PDK1: variants seen among roughly 807,000 people sequenced by gnomAD.
The protein encoded by PDK1 is [Pyruvate dehydrogenase (acetyl-transferring)] kinase isozyme 1, mitochondrial.
Under a neutral mutation model 54.2 loss-of-function variants are expected in PDK1, and 39 were observed. The ratio of observed to expected loss-of-function variants is 0.72; its 90% CI spans 0.56 to 0.94. The LOEUF (loss-of-function observed/expected upper bound fraction) is 0.94, where lower values mean the gene tolerates loss of function less well. PDK1 is among the 40% of genes least tolerant of loss of function. The pLI, the probability that PDK1 is intolerant of heterozygous loss-of-function variation, is 0.00. For missense variants in PDK1, 552 were observed against 566.0 expected (o/e 0.98, Z 0.25); for synonymous variants, 221 against 207.1 (o/e 1.07, Z -0.58).
At chr2:172,613,612 C>T (rs1029028416), downstream of PDK1, among the ~76,000 whole-genome samples, 2 of 152,092 alleles carry the variant, frequency 1.3e-5, no homozygotes, top group South Asian at 4.1e-4. Context: ...ACCACCATGC[C>T]CACCTTTGAC....
chr2:172,586,422 G>A (rs1442989579), intron 9 of PDK1, 34 bp downstream of exon 9: 4 of 1,310,628 alleles, frequency 3.1e-6, no homozygotes, highest in Non-Finnish European at 4.4e-6. Flanking sequence ...GTGTGTTTCT[G>A]TGAATTGCCT....
rs543696601 is a variant in PDK1, at chr2:172,560,399, C to T, written c.338+1550C>T. Among the ~76,000 whole-genome samples, 5 of 152,302 alleles carry T rather than the reference C, an allele frequency of 3.3e-5. No individual in the cohort carries two copies. The South Asian group carries it at 1.0e-3, about 32-fold the overall frequency. ...CCCAGGCAGGTTGTGAACTCCTGGGCTCAAGCAGTCCTCTCACCTTGGCTT... is the reference window on the plus strand; with the variant it reads ...CCCAGGCAGGTTGTGAACTCCTGGGTTCAAGCAGTCCTCTCACCTTGGCTT... On this transcript the variant is annotated intron_variant, in intron 2 of 10. Coordinates refer to ENST00000282077, the MANE Select transcript of PDK1 (RefSeq NM_002610.5).
At chr2:172,685,019 A>C in the PDK1 span, among the ~76,000 whole-genome samples, 2 of 152,120 alleles carry the variant, frequency 1.3e-5, no homozygotes, top group Non-Finnish European at 2.9e-5. Flanking sequence ...AGTGTTTGGA[A>C]GTTCCTCCCT....
At chr2:172,612,671 GTGT>G (rs1276039483), downstream of PDK1, among the ~76,000 whole-genome samples, 1 of 151,962 alleles carries the variant, frequency 6.6e-6, no homozygotes, top group Non-Finnish European at 1.5e-5. Context: ...GCTACCAGTA[GTGT>G]TTTTTTTTTG....
At chr2:172,702,521 T>C in the PDK1 span, among the ~76,000 whole-genome samples, 4 of 151,432 alleles carry the variant, frequency 2.6e-5, no homozygotes, top group East Asian at 3.9e-4. Flanking sequence ...GCCTCTTTCA[T>C]TGTTAGACCC....
chr2:172,622,527 A>G, the PDK1 span, among the ~76,000 whole-genome samples: 13 of 141,866 alleles, frequency 9.2e-5, no homozygotes, highest in African/African-American at 3.0e-4. Flanking sequence ...TTTATATCAT[A>G]TATTATGTGA....
At chr2:172,654,545 G>A in the PDK1 span, among the ~76,000 whole-genome samples, 2 of 151,228 alleles carry the variant, frequency 1.3e-5, no homozygotes, top group Non-Finnish European at 2.9e-5. Flanking sequence ...TCACTCATAG[G>A]TGGGAATTGA....
chr2:172,711,864 TCAAAA>T, the PDK1 span, among the ~76,000 whole-genome samples: 1 of 25,714 alleles, frequency 3.9e-5, no homozygotes, highest in African/African-American at 2.4e-4. Context: ...AGAACCTAGC[TCAAAA>T]AAAAAAAAAA....
the PDK1 span, among the ~76,000 whole-genome samples, chr2:172,621,745 A>G: frequency 7.0e-6 from 1 of 143,500 alleles, no homozygotes; most frequent in Non-Finnish European, 1.5e-5. Flanking sequence ...TATATGTCAT[A>G]TATGTTTATA....
At chr2:172,711,615 A>T in the PDK1 span, among the ~76,000 whole-genome samples, 1 of 152,176 alleles carries the variant, frequency 6.6e-6, no homozygotes, top group African/African-American at 2.4e-5. Flanking sequence ...CTGTAATCCC[A>T]GAACTTTGGG....
chr2:172,718,781 G>T, the PDK1 span, among the ~76,000 whole-genome samples: 1 of 152,230 alleles, frequency 6.6e-6, no homozygotes, highest in Admixed American at 6.5e-5. Flanking sequence ...GAAAAAGTCA[G>T]GAAGCCAGAG....
chr2:172,683,497 G>A, the PDK1 span, among the ~76,000 whole-genome samples: 725 of 152,272 alleles, frequency 4.8e-3, 5 homozygotes, highest in African/African-American at 0.016. Context: ...GGGGGAGCAG[G>A]CATCTCACTT....
rs569755308 is a variant in PDK1, at chr2:172,604,186, A to G, written c.*8217A>G. The G allele has an allele frequency of 4.6e-5, 7 of 152,310 alleles. No individual in the cohort carries two copies. Among genetic ancestry groups the G allele is most frequent in the African/African-American group, 1.4e-4 (6 of 41,568 alleles). 9.4% of individuals were successfully genotyped at this position (152,310 alleles called of 1,614,324 possible). A position where few individuals can be genotyped will look rare whatever the true frequency, so the allele number is the denominator to read the frequency against. On this transcript the variant is annotated 3_prime_UTR_variant, in exon 11 of 11. Transcript: ENST00000282077. ...AACCTCTGCCTCCTGAGTTGAAGCA[A>G]TTCTCCTGCCTCAGCCTCCCCAGTA... is the stretch of plus-strand genomic sequence containing the variant.
the PDK1 span, among the ~76,000 whole-genome samples, chr2:172,654,642 G>A: frequency 1.4e-3 from 215 of 152,226 alleles, 1 homozygote; most frequent in African/African-American, 4.9e-3. Flanking sequence ...AATAGCATTA[G>A]GAGGTATACC....
At chr2:172,580,862 G>T (rs891108783) in intron 8 of PDK1, among the ~76,000 whole-genome samples, 3 of 151,584 alleles carry the variant, frequency 2.0e-5, no homozygotes, top group Admixed American at 2.0e-4. Flanking sequence ...ATCACAAAAG[G>T]CCACATATTA....
Position 172,601,393 on chromosome 2 carries a change from C to T in PDK1, c.*5424C>T, listed in dbSNP as rs1691111288. 6.6e-6 allele frequency: 1 copy of T among 152,162 alleles called. No individual in the cohort carries two copies. Among genetic ancestry groups the T allele is most frequent in the Admixed American group, 6.5e-5 (1 of 15,280 alleles). The allele number at this position is 152,162 out of a possible 1,614,324, so 9.4% of individuals were successfully genotyped here. ...TCTGTCCCCACCGCACAAATCTCAT[C>T]TTGAATTATAATCTCAACATGTTAA... is the stretch of plus-strand genomic sequence containing the variant. On this transcript the variant is annotated 3_prime_UTR_variant, in exon 11 of 11. Transcript: ENST00000282077.
chr2:172,654,254 C>G, the PDK1 span, among the ~76,000 whole-genome samples: 1 of 152,282 alleles, frequency 6.6e-6, no homozygotes, highest in South Asian at 2.1e-4. Flanking sequence ...TTTGACCCAG[C>G]CATCCCTTTA....
the PDK1 span, among the ~76,000 whole-genome samples, chr2:172,615,493 C>T: frequency 3.9e-5 from 6 of 151,930 alleles, no homozygotes; most frequent in African/African-American, 4.8e-5. Flanking sequence ...TGTGGTGGTG[C>T]GTGCCTGTAA....
At chr2:172,701,590 A>T in the PDK1 span, among the ~76,000 whole-genome samples, 2 of 149,490 alleles carry the variant, frequency 1.3e-5, no homozygotes, top group Non-Finnish European at 3.0e-5. Context: ...TTCTCTTTTC[A>T]GAGTCTGTGA....
Sources: allele counts gnomAD v4.1 joint callset (sites outside exome capture counted in the v4.1 genomes callset), GRCh38; gene constraint gnomAD v4.1.1; transcripts MANE v1.5; gene names NCBI Gene and HGNC (gene_info 2026-07-23, HGNC 2026-07-21).